The following LPP variants were observed in gnomAD, a reference collection of about 807,000 sequenced individuals.
LPP encodes the protein lipoma-preferred partner.
Under a neutral mutation model 60.4 loss-of-function variants are expected in LPP, and 38 were observed. That is an observed-to-expected ratio of 0.63 (90% CI 0.49 to 0.83). The LOEUF (loss-of-function observed/expected upper bound fraction) is 0.83, where lower values mean the gene tolerates loss of function less well. LPP is among the 40% of genes least tolerant of loss of function. LPP has a pLI of 0.00. For synonymous variants in LPP, 328 were observed against 290.8 expected (o/e 1.13, Z -1.30); for missense variants, 902 against 783.6 (o/e 1.15, Z -1.80).
At chr3:188,736,041 AGT>A (rs993290438) in intron 8 of LPP, among the ~76,000 whole-genome samples, 2 of 152,246 alleles carry the variant, frequency 1.3e-5, no homozygotes, top group African/African-American at 4.8e-5. Context: ...TCAAAAAAGT[AGT>A]GTTTTCAAAA....
At position 188,168,338 on chromosome 3, in the gene LPP, G is replaced by A. The variant is rs902444000; in HGVS notation, c.-190+14086G>A. Among the ~76,000 whole-genome samples, 7 of 152,180 alleles carry A rather than the reference G, an allele frequency of 4.6e-5. 1 individual carries two copies. The highest frequency in any genetic ancestry group is 1.7e-4 in the African/African-American group (7 of 41,448). ...TATTTGAACAGTAATGATTTTAAAT[G>A]TTTTGTGTCCATAGCCTTTTAAACC... On this transcript the variant is annotated intron_variant, in intron 1 of 11. Coordinates refer to ENST00000617246, the MANE Select transcript of LPP (RefSeq NM_001375462.1).
rs1847456909 is a variant in LPP at position 188,629,457 on chromosome 3, A to C, written c.1113+19613A>C. On this transcript the variant is annotated intron_variant, in intron 7 of 11. Transcript: ENST00000617246. ...AAACTGAGACCCAAATCAGGAACAC[A>C]ATCCCATTCACAGTAGCCACAGAAA... Among the ~76,000 whole-genome samples the C allele has an allele frequency of 2.0e-5, 3 of 152,132 alleles. No homozygotes were observed. The South Asian group carries it at 6.2e-4, about 31-fold the overall frequency.
chr3:188,297,518 A>AT (rs1748330585), intron 2 of LPP, among the ~76,000 whole-genome samples: 1 of 152,234 alleles, frequency 6.6e-6, no homozygotes, highest in Admixed American at 6.5e-5. Flanking sequence ...GGTACAAATG[A>AT]GAGACTATAT....
intron 2 of LPP, among the ~76,000 whole-genome samples, chr3:188,340,133 G>A (rs573142079): frequency 6.6e-6 from 1 of 152,110 alleles, no homozygotes; most frequent in Non-Finnish European, 1.5e-5. Flanking sequence ...GTAGTAGGAG[G>A]GTGCTTACTG....
chr3:188,654,959 T>C (rs1435618052), intron 7 of LPP, among the ~76,000 whole-genome samples: 1 of 152,166 alleles, frequency 6.6e-6, no homozygotes, highest in Non-Finnish European at 1.5e-5. Flanking sequence ...CCAGCATCCT[T>C]TAGAAAGGAA....
intron 2 of LPP, among the ~76,000 whole-genome samples, chr3:188,260,387 G>A (rs1733152167): frequency 6.6e-6 from 1 of 152,052 alleles, no homozygotes; most frequent in South Asian, 2.1e-4. Flanking sequence ...TAACAAAAAC[G>A]ATAATGTGGG....
intron 3 of LPP, among the ~76,000 whole-genome samples, chr3:188,366,900 A>ATT (rs1351616698): frequency 5.0e-4 from 73 of 144,886 alleles, no homozygotes; most frequent in African/African-American, 8.3e-4. Context: ...TAAAGAATTG[A>ATT]TTTTTTTTTT....
At chr3:188,325,534 T>G (rs1396704289) in intron 2 of LPP, among the ~76,000 whole-genome samples, 1 of 152,208 alleles carries the variant, frequency 6.6e-6, no homozygotes. Flanking sequence ...TGCTTTATAG[T>G]CTACAAAGCA....
intron 3 of LPP, among the ~76,000 whole-genome samples, chr3:188,384,742 AT>A (rs1157168098): frequency 1.4e-5 from 2 of 140,270 alleles, no homozygotes; most frequent in East Asian, 4.2e-4. Flanking sequence ...GTGAGCTGAG[AT>A]TGCGTCACTG....
chr3:188,341,640 C>T (rs1763087190), intron 2 of LPP, 23 bp from the exon 3 acceptor site: 1 of 960,894 alleles, frequency 1.0e-6, no homozygotes. Context: ...GTAATTTTTA[C>T]TTATTTCATT....
chr3:188,797,226 G>A (rs768139437), intron 9 of LPP, among the ~76,000 whole-genome samples: 17 of 152,052 alleles, frequency 1.1e-4, no homozygotes, highest in Non-Finnish European at 2.2e-4. Context: ...AACATAGCAG[G>A]GGAGGACAGA....
chr3:188,320,172 T>C (rs1756511236), intron 2 of LPP, among the ~76,000 whole-genome samples: 1 of 151,960 alleles, frequency 6.6e-6, no homozygotes, highest in South Asian at 2.1e-4. Flanking sequence ...AGTTTTGTTT[T>C]ATTTTATTTT....
intron 1 of LPP, among the ~76,000 whole-genome samples, chr3:188,174,906 T>C (rs1435894195): frequency 6.6e-6 from 1 of 152,154 alleles, no homozygotes; most frequent in Non-Finnish European, 1.5e-5. Flanking sequence ...TGCATGGCAC[T>C]GATCACTTCT....
Position 188,609,264 on chromosome 3 carries a change from C to T in LPP, c.533C>T (p.Ser178Phe). 6.2e-7 allele frequency: 1 copy of T among 1,614,098 alleles called. No individual in the cohort carries two copies. Among genetic ancestry groups the T allele is most frequent in the Non-Finnish European group, 8.5e-7 (1 of 1,180,012 alleles). The change falls in exon 7 of 12, where the codon TCT becomes TTT. Residue 178 changes from serine to phenylalanine, a missense_variant. Physicochemically the swap from Ser to Phe is radical, Grantham distance 155. Transcript: ENST00000617246. This position sits in a 1 kb window ranked among gnomAD's most constrained non-coding sequence, Gnocchi z 6.9. ...NQPPLTATKK[S>F]TLKPQPAPQA... Reference sequence around the variant, plus strand: ...CCCCCTCTAACAGCAACCAAGAAGTCTACATTGAAACCACAGCCTGCACCC... The same window carrying T: ...CCCCCTCTAACAGCAACCAAGAAGTTTACATTGAAACCACAGCCTGCACCC...
chr3:188,651,598 A>C (rs1366159419), intron 7 of LPP, among the ~76,000 whole-genome samples: 1 of 152,220 alleles, frequency 6.6e-6, no homozygotes, highest in African/African-American at 2.4e-5. Flanking sequence ...ATGGTTCCAC[A>C]TGGCTGGGGA....
chr3:188,182,289 G>T lies in LPP; in HGVS notation c.-190+28037G>T, dbSNP rs1266294686. On this transcript the variant is annotated intron_variant, in intron 1 of 11. Coordinates refer to ENST00000617246, the MANE Select transcript of LPP (RefSeq NM_001375462.1). The surrounding 1 kb of genome is among the most constrained non-coding windows in gnomAD (Gnocchi z 4.4). Reference sequence around the variant, plus strand: ...CACTTGTTACCAGTGGAGACTCTCGGTCTCACCCCAGAATCTATGTCTTTA... The same window carrying T: ...CACTTGTTACCAGTGGAGACTCTCGTTCTCACCCCAGAATCTATGTCTTTA... Among the ~76,000 whole-genome samples the T allele has an allele frequency of 6.6e-6, 1 of 151,336 alleles. No homozygotes were observed. Among genetic ancestry groups the T allele is most frequent in the Non-Finnish European group, 1.5e-5 (1 of 67,766 alleles).
chr3:188,404,614 G>C (rs1311658328), intron 3 of LPP, among the ~76,000 whole-genome samples: 1 of 152,098 alleles, frequency 6.6e-6, no homozygotes, highest in Non-Finnish European at 1.5e-5. Flanking sequence ...CCACTTGTTG[G>C]TGGTGTGGAC....
At chr3:188,510,319 C>T (rs543415654) in intron 5 of LPP, among the ~76,000 whole-genome samples, 7 of 152,068 alleles carry the variant, frequency 4.6e-5, no homozygotes, top group South Asian at 2.1e-4. Flanking sequence ...GAAATGTGTA[C>T]GTGCTCCAAT....
chr3:188,345,831 C>T (rs1764197892), intron 3 of LPP, among the ~76,000 whole-genome samples: 1 of 152,170 alleles, frequency 6.6e-6, no homozygotes, highest in Non-Finnish European at 1.5e-5. Context: ...GACCTAAGCA[C>T]TTACCTGGAA....
Sources: gnomAD v4.1 joint callset for allele counts (sites outside exome capture counted in the v4.1 genomes callset) on GRCh38, gnomAD v4.1.1 for gene constraint, Gnocchi (gnomAD v3.1) non-coding constraint, MANE v1.5 for transcripts, NCBI Gene and HGNC (gene_info 2026-07-23, HGNC 2026-07-21) for gene names.